Variants in KIF9 observed in about 807,000 individuals in gnomAD.
KIF9 encodes the protein kinesin family member 9, also known as kinesin-like protein KIF9.
In KIF9, 68 loss-of-function variants were observed where a neutral mutation model predicts 94.8. The ratio of observed to expected loss-of-function variants is 0.72; its 90% CI spans 0.59 to 0.88. KIF9 has a LOEUF of 0.88. KIF9 is among the 40% of genes least tolerant of loss of function. The pLI, the probability that KIF9 is intolerant of heterozygous loss-of-function variation, is 0.00. For synonymous variants in KIF9, 343 were observed against 362.1 expected (o/e 0.95, Z 0.60); for missense variants, 882 against 982.5 (o/e 0.90, Z 1.37).
At chr3:47,234,090 C>A (rs1019854584) in intron 20 of KIF9, among the ~76,000 whole-genome samples, 7 of 151,500 alleles carry the variant, frequency 4.6e-5, no homozygotes, top group Non-Finnish European at 8.8e-5. Context: ...TCCCACCCCC[C>A]CCAAAAAAAA....
Position 47,243,158 on chromosome 3 carries a change from T to C in KIF9, c.1602A>G (p.Pro534=), listed in dbSNP as rs1190308668. 6 of 1,613,994 alleles carry C rather than the reference T, an allele frequency of 3.7e-6. No homozygotes were observed. The highest frequency in any genetic ancestry group is 2.2e-5 in the South Asian group (2 of 91,078). The change falls in exon 16 of 21, where the codon CCA becomes CCG. Residue 534 remains proline (P), a synonymous_variant. Transcript: ENST00000684063. ...CTTTGACATCCCCATCTTTGGAGGA[T>C]GGGACCAGCTGGGTCTTGGAGGTGG... is the stretch of plus-strand genomic sequence containing the variant. ...YVSTSKTQLV[P]SSKDGDVKDM...
chr3:47,240,346 T>C (rs1368979126), intron 17 of KIF9, among the ~76,000 whole-genome samples: 1 of 152,224 alleles, frequency 6.6e-6, no homozygotes, highest in African/African-American at 2.4e-5. Flanking sequence ...CCCTTGGCTC[T>C]CTGGCATCCA....
In KIF9 at chr3:47,269,768, ATTTTTT is replaced by A. The variant is rs36108313; in HGVS notation, c.591+1463_591+1468del. On this transcript the variant is annotated intron_variant, in intron 5 of 20. Transcript: ENST00000684063. ...AGGTGCCCACCACCACTCCCAGCTA[ATTTTTT>A]TTTTTTTTTTTTTTTTTTTTGAGAT... is the stretch of plus-strand genomic sequence containing the variant. 2.2e-3 allele frequency among the ~76,000 whole-genome samples: 189 copies of A among 86,428 alleles called. 1 individual carries two copies. The highest frequency in any genetic ancestry group is 3.2e-3 in the East Asian group (9 of 2,848). The allele number at this position is 86,428 out of a possible 152,430, so 56.7% of individuals were successfully genotyped here.
Position 47,246,211 on chromosome 3 carries a change from G to T in KIF9, c.1275C>A (p.Phe425Leu). 1.2e-6 allele frequency: 2 copies of T among 1,613,656 alleles called. No homozygotes were observed. The highest frequency in any genetic ancestry group is 1.7e-6 in the Non-Finnish European group (2 of 1,179,748). The part of the protein sequence containing the change: ...LRQIKEVFNQ[F>L]RVVLSQQEQE... ...GGGTCTCTCACCTCAGAACCACCCG[G>T]AACTGGTTGAACACCTCCTTGATCT... Residue 425 changes from phenylalanine to leucine, a missense_variant, in exon 13 of 21, where the codon TTC becomes TTA. Transcript: ENST00000684063.
At chr3:47,264,071 T>C in intron 9 of KIF9, 3 of 572,676 alleles carry the variant, frequency 5.2e-6, no homozygotes, top group South Asian at 5.2e-5. Flanking sequence ...GCCTGCCTGC[T>C]GGCTGGCCCT....
At chr3:47,254,170 T>C (rs1700432378) in intron 10 of KIF9, among the ~76,000 whole-genome samples, 1 of 152,184 alleles carries the variant, frequency 6.6e-6, no homozygotes, top group African/African-American at 2.4e-5. Flanking sequence ...AAAGTGTAGG[T>C]ATTTTGGCCA....
At chr3:47,245,926 T>C in intron 13 of KIF9, 1 of 496,942 alleles carries the variant, frequency 2.0e-6, no homozygotes, top group Non-Finnish European at 3.6e-6. Flanking sequence ...AAATGCCTCC[T>C]GAGGTGGGAG....
In KIF9 at chr3:47,240,825, G is replaced by A. The variant is rs750790538; in HGVS notation, c.1900C>T (p.Gln634Ter). The A allele has an allele frequency of 9.3e-6, 15 of 1,613,974 alleles. No homozygotes were observed. The highest frequency in any genetic ancestry group is 1.3e-5 in the Non-Finnish European group (15 of 1,180,002). The change falls in exon 17 of 21, where the codon CAG (glutamine) becomes TAG (stop). Residue 634 changes from glutamine (Q) to a stop codon, truncating the protein, a stop_gained. Transcript: ENST00000684063. LOFTEE classifies it high-confidence loss of function. ...IDVTKEALNF[Q>*]KSLREKQGKY... ...CCTTGCTTCTCCCGTAGTGACTTCT[G>A]GAAATTCAGGGCCTCCTTGGTCACA... is the stretch of plus-strand genomic sequence containing the variant.
chr3:47,279,427 A>G (rs1334841189), intron 1 of KIF9, among the ~76,000 whole-genome samples: 1 of 147,536 alleles, frequency 6.8e-6, no homozygotes, highest in Non-Finnish European at 1.5e-5. Context: ...CAGTGAGCCA[A>G]TGTCATGCCA....
intron 20 of KIF9, among the ~76,000 whole-genome samples, chr3:47,234,231 T>G (rs1445987460): frequency 1.3e-5 from 2 of 151,772 alleles, no homozygotes; most frequent in African/African-American, 2.4e-5. Flanking sequence ...GCATTTGTAC[T>G]TTCTTTTTTT....
At chr3:47,280,094 A>C (rs370680400) in intron 1 of KIF9, among the ~76,000 whole-genome samples, 12 of 152,126 alleles carry the variant, frequency 7.9e-5, no homozygotes, top group African/African-American at 2.4e-4. Context: ...GAGTAGTGGT[A>C]GGACAGGTGT....
In KIF9 at chr3:47,240,876, T is replaced by C; in HGVS notation, c.1849A>G (p.Ile617Val). Residue 617 changes from isoleucine (I) to valine (V), a missense_variant, in exon 17 of 21, where the codon ATC (isoleucine) becomes GTC (valine). Physicochemically the swap from Ile to Val is conservative, Grantham distance 29. Transcript: ENST00000684063. Reference sequence around the variant, plus strand: ...TCAATCTCCCGCTTGATGGCATTGATGTGCTGTGTGGTCTCGCTGGCCCTT... The same window carrying C: ...TCAATCTCCCGCTTGATGGCATTGACGTGCTGTGTGGTCTCGCTGGCCCTT... ...RKRASETTQHINAIKREIDVT... is the reference protein window; with the variant it reads ...RKRASETTQHVNAIKREIDVT... The C allele has an allele frequency of 6.2e-7, 1 of 1,614,248 alleles. No homozygotes were observed. Among genetic ancestry groups the C allele is most frequent in the Non-Finnish European group, 8.5e-7 (1 of 1,180,048 alleles).
chr3:47,277,327 G>A lies in KIF9; in HGVS notation c.48C>T (p.Thr16=), dbSNP rs531144782. 2.3e-5 allele frequency: 37 copies of A among 1,613,834 alleles called. No individual in the cohort carries two copies. The Middle Eastern group carries it at 8.3e-4, about 36-fold the overall frequency. Residue 16 remains threonine, a synonymous_variant, in exon 2 of 21, where the codon ACC becomes ACT. Coordinates refer to ENST00000684063, the MANE Select transcript of KIF9 (RefSeq NM_182902.4). ...TGATCATTTCATGAGCAAAGTCATC[G>A]GTGGGTTTGACACGGACAAATGCAT... ...KVHAFVRVKP[T]DDFAHEMIRY...
At chr3:47,252,669 G>A (rs1172654469) in intron 10 of KIF9, among the ~76,000 whole-genome samples, 1 of 152,096 alleles carries the variant, frequency 6.6e-6, no homozygotes, top group African/African-American at 2.4e-5. Flanking sequence ...CACCCAGCCA[G>A]GTTCACGGGT....
chr3:47,278,934 T>G (rs945476417), intron 1 of KIF9, among the ~76,000 whole-genome samples: 3 of 151,968 alleles, frequency 2.0e-5, no homozygotes, highest in Non-Finnish European at 2.9e-5. Flanking sequence ...ATCGCGCCAT[T>G]GCACTTCAGC....
Position 47,236,534 on chromosome 3 carries a change from G to A in KIF9, c.2010C>T (p.Tyr670=), listed in dbSNP as rs371301096. The change falls in exon 18 of 21, where the codon TAC becomes TAT. Residue 670 remains tyrosine, a synonymous_variant. Coordinates refer to ENST00000684063, the MANE Select transcript of KIF9 (RefSeq NM_182902.4). ...ILKLKDLKKQ[Y]RSEYQDLRDL... The stretch of plus-strand genomic sequence containing the variant: ...CACGCAGGTCCTGGTACTCGCTGCG[G>A]TACTGCTTCTTGAGGTCTTTGAGCT... 4 of 1,613,898 alleles carry A rather than the reference G, an allele frequency of 2.5e-6. No individual in the cohort carries two copies. Among genetic ancestry groups the A allele is most frequent in the Non-Finnish European group, 3.4e-6 (4 of 1,179,964 alleles).
rs1259340034 is a variant in KIF9 at position 47,277,331 on chromosome 3, G to A, written c.44C>T (p.Pro15Leu). Residue 15 changes from proline to leucine, a missense_variant, in exon 2 of 21, where the codon CCC (proline) becomes CTC (leucine). Pro to Leu is a moderately conservative substitution (Grantham distance 98, BLOSUM62 -3). Coordinates refer to ENST00000684063, the MANE Select transcript of KIF9 (RefSeq NM_182902.4). ...CATTTCATGAGCAAAGTCATCGGTG[G>A]GTTTGACACGGACAAATGCATGAAC... ...KKVHAFVRVK[P>L]TDDFAHEMIR... 6.2e-7 allele frequency: 1 copy of A among 1,613,762 alleles called. No individual in the cohort carries two copies. The highest frequency in any genetic ancestry group is 8.5e-7 in the Non-Finnish European group (1 of 1,179,910).
At chr3:47,237,877 A>G (rs1284229284) in intron 17 of KIF9, among the ~76,000 whole-genome samples, 1 of 152,200 alleles carries the variant, frequency 6.6e-6, no homozygotes, top group East Asian at 1.9e-4. Flanking sequence ...CCTTCAATGC[A>G]GAGCAATCTG....
At chr3:47,239,782 C>T in intron 17 of KIF9, 1 of 1,360,370 alleles carries the variant, frequency 7.4e-7, no homozygotes, top group Non-Finnish European at 9.8e-7. Context: ...TAAAATGCAC[C>T]CCCTGTGAGT....
Sources: gnomAD v4.1 joint callset for allele counts (sites outside exome capture counted in the v4.1 genomes callset) on GRCh38, gnomAD v4.1.1 for gene constraint, MANE v1.5 for transcripts, NCBI Gene and HGNC (gene_info 2026-07-23, HGNC 2026-07-21) for gene names.